The following TCAIM variants were observed in gnomAD, a reference collection of about 807,000 sequenced individuals.
TCAIM encodes the protein T cell activation inhibitor, mitochondrial.
In TCAIM, 36 loss-of-function variants were observed where a neutral mutation model predicts 58.6. The ratio of observed to expected loss-of-function variants is 0.61; its 90% CI spans 0.47 to 0.81. The LOEUF is 0.81. Ranked by LOEUF, TCAIM falls within the 30% of genes least tolerant of loss-of-function variation. The pLI is 0.00. For missense variants in TCAIM, 466 were observed against 579.6 expected (o/e 0.80, Z 2.01); for synonymous variants, 172 against 193.6 (o/e 0.89, Z 0.93).
intron 4 of TCAIM, chr3:44,362,533 C>A: frequency 2.5e-6 from 1 of 399,948 alleles, no homozygotes; most frequent in South Asian, 1.3e-4. Context: ...GATCTCTTAC[C>A]TTTTATTTTC....
At position 44,403,641 on chromosome 3, in the gene TCAIM, G is replaced by T. The variant is rs569734282; in HGVS notation, c.1250+2307G>T. Among the ~76,000 whole-genome samples, 209 of 152,158 alleles carry T rather than the reference G, an allele frequency of 1.4e-3. 1 individual carries two copies. Among genetic ancestry groups the T allele is most frequent in the Middle Eastern group, 3.4e-3 (1 of 294 alleles). On this transcript the variant is annotated intron_variant, in intron 10 of 10. Coordinates refer to ENST00000342649, the MANE Select transcript of TCAIM (RefSeq NM_173826.4). ...GCTTTGGAGTAATGCTTATTAGATT[G>T]TGAGAAAGGAAAGTAAAAATAAAAA...
chr3:44,390,081 A>G (rs1033611790), intron 5 of TCAIM, among the ~76,000 whole-genome samples: 1 of 152,196 alleles, frequency 6.6e-6, no homozygotes, highest in Admixed American at 6.6e-5. Flanking sequence ...ATTATATTCT[A>G]ATTGCTTATC....
At chr3:44,399,829 C>G (rs1314447241) in intron 8 of TCAIM, among the ~76,000 whole-genome samples, 4 of 152,100 alleles carry the variant, frequency 2.6e-5, no homozygotes, top group Admixed American at 2.0e-4. Context: ...TCCTTGTACC[C>G]CAACTGTGAG....
At chr3:44,362,552 G>T in intron 4 of TCAIM, 1 of 398,322 alleles carries the variant, frequency 2.5e-6, no homozygotes, top group South Asian at 1.3e-4. Flanking sequence ...TCTCATAATT[G>T]AATATGGGAG....
At chr3:44,383,070 A>G (rs550923940) in intron 5 of TCAIM, among the ~76,000 whole-genome samples, 1 of 152,232 alleles carries the variant, frequency 6.6e-6, no homozygotes, top group Non-Finnish European at 1.5e-5. Context: ...AATGGCTACT[A>G]TCCAAAAACC....
At chr3:44,380,115 G>C (rs773754306) in intron 5 of TCAIM, among the ~76,000 whole-genome samples, 29 of 152,096 alleles carry the variant, frequency 1.9e-4, no homozygotes, top group Non-Finnish European at 3.2e-4. Flanking sequence ...AGACTTTTAG[G>C]AGAAAAAGGA....
chr3:44,346,440 G>A (rs765163436), intron 1 of TCAIM, among the ~76,000 whole-genome samples: 9 of 152,128 alleles, frequency 5.9e-5, no homozygotes, highest in Non-Finnish European at 1.3e-4. Context: ...TTCCTGACTC[G>A]GGGCATGTGA....
chr3:44,383,798 C>T (rs1575266873), intron 5 of TCAIM, among the ~76,000 whole-genome samples: 1 of 106,982 alleles, frequency 9.3e-6, no homozygotes, highest in African/African-American at 3.6e-5. Flanking sequence ...CATGGCAAGA[C>T]CCTGTCTCTA....
intron 3 of TCAIM, 124 bp from the exon 4 acceptor site, chr3:44,361,241 T>C (rs1446024246): frequency 5.9e-6 from 5 of 851,480 alleles, no homozygotes; most frequent in Non-Finnish European, 8.3e-6. Context: ...AGCTATGAAA[T>C]CCCAACATTT....
Position 44,407,893 on chromosome 3 carries a change from T to C in TCAIM, c.*211T>C, listed in dbSNP as rs542856132. The C allele has an allele frequency of 5.4e-4, 241 of 444,214 alleles. 1 individual carries two copies. The highest frequency in any genetic ancestry group is 2.3e-3 in the Admixed American group (54 of 23,212). 27.5% of individuals were successfully genotyped at this position (444,214 alleles called of 1,614,324 possible). On this transcript the variant is annotated 3_prime_UTR_variant, in exon 11 of 11. Transcript: ENST00000342649. ...GCTCATGCCTGCGGTCCCAGCTACT[T>C]AGGGAGGCTAAGATAGGAGGATCAC...
chr3:44,372,064 A>AGGAAGGAAGGAAGGAAGGAAGGAAGGAG (rs765363531), intron 5 of TCAIM, among the ~76,000 whole-genome samples: 5 of 145,968 alleles, frequency 3.4e-5, no homozygotes, highest in African/African-American at 1.0e-4. Context: ...GAAGGAAGGA[A>AGGAAGGAAGGAAGGAAGGAAGGAAGGAG]GGAAGGAAGG....
At chr3:44,384,707 A>G (rs1224929418) in intron 5 of TCAIM, among the ~76,000 whole-genome samples, 2 of 152,216 alleles carry the variant, frequency 1.3e-5, no homozygotes, top group Non-Finnish European at 2.9e-5. Flanking sequence ...TCATTGCCAC[A>G]TTCATTTTTC....
At chr3:44,377,595 C>T (rs1032874191) in intron 5 of TCAIM, among the ~76,000 whole-genome samples, 5 of 152,142 alleles carry the variant, frequency 3.3e-5, no homozygotes, top group East Asian at 1.9e-4. Context: ...CCACATGGAA[C>T]GTTTTCTAGG....
chr3:44,377,636 C>A (rs970751206), intron 5 of TCAIM, among the ~76,000 whole-genome samples: 3 of 152,104 alleles, frequency 2.0e-5, no homozygotes, highest in Non-Finnish European at 2.9e-5. Context: ...CAAATTAAGT[C>A]TCAATAGATT....
Position 44,366,463 on chromosome 3 carries a change from GTT to G in TCAIM, c.320-974_320-973del, listed in dbSNP as rs11310204. 1.4e-3 allele frequency among the ~76,000 whole-genome samples: 115 copies of G among 83,012 alleles called. 1 individual carries two copies. The South Asian group carries it at 0.028, about 20-fold the overall frequency. The allele number at this position is 83,012 out of a possible 152,430, so 54.5% of individuals were successfully genotyped here. On this transcript the variant is annotated intron_variant, in intron 4 of 10. Transcript: ENST00000342649. ...CCACTGCGCCTGGCTAATTTTTGTT[GTT>G]TTTTTTTTTTTTTTTTTTGAGACAG...
chr3:44,372,729 G>A (rs1184736302), intron 5 of TCAIM, among the ~76,000 whole-genome samples: 1 of 151,964 alleles, frequency 6.6e-6, no homozygotes, highest in Non-Finnish European at 1.5e-5. Context: ...GAGTAGCTGG[G>A]ACTACAGGCG....
chr3:44,380,728 G>T (rs1290665700), intron 5 of TCAIM, among the ~76,000 whole-genome samples: 1 of 152,052 alleles, frequency 6.6e-6, no homozygotes, highest in Non-Finnish European at 1.5e-5. Flanking sequence ...CCAAAACTTG[G>T]TTCTTTGAAA....
chr3:44,380,321 A>T (rs760386917), intron 5 of TCAIM, among the ~76,000 whole-genome samples: 8 of 152,320 alleles, frequency 5.3e-5, no homozygotes, highest in African/African-American at 9.6e-5. Context: ...AAGGTGATGG[A>T]TATACCAATT....
intron 1 of TCAIM, among the ~76,000 whole-genome samples, chr3:44,352,623 A>T (rs1701114541): frequency 6.6e-6 from 1 of 152,216 alleles, no homozygotes; most frequent in African/African-American, 2.4e-5. Context: ...ATCTACATTG[A>T]CACATCCTTA....
Sources: gnomAD v4.1 joint callset for allele counts (sites outside exome capture counted in the v4.1 genomes callset) on GRCh38, gnomAD v4.1.1 for gene constraint, MANE v1.5 for transcripts, NCBI Gene and HGNC (gene_info 2026-07-23, HGNC 2026-07-21) for gene names.